Variants in ROBO2 observed in about 807,000 individuals in gnomAD.
ROBO2 encodes roundabout guidance receptor 2, also known as roundabout homolog 2.
Under a neutral mutation model 160.8 loss-of-function variants are expected in ROBO2, and 53 were observed. The observed-to-expected ratio is 0.33, with a 90% confidence interval of 0.26 to 0.41. ROBO2 has a LOEUF of 0.41. ROBO2 is among the 10% of genes least tolerant of loss of function. The pLI is 1.00. For missense variants in ROBO2, 1,577 were observed against 1,722.4 expected, an observed-to-expected ratio of 0.92 and a Z score of 1.49; for synonymous variants, 664 against 611.7, an observed-to-expected ratio of 1.09 and a Z score of -1.26.
chr3:76,004,691 C>A (rs1335592346), intron 2 of ROBO2, among the ~76,000 whole-genome samples: 1 of 152,118 alleles, frequency 6.6e-6, no homozygotes, highest in East Asian at 1.9e-4. Flanking sequence ...CTTCCAAAGG[C>A]TCCAACTCCA....
At chr3:77,336,321 GA>G (rs1346480458) in intron 2 of ROBO2, among the ~76,000 whole-genome samples, 1 of 152,068 alleles carries the variant, frequency 6.6e-6, no homozygotes, top group Non-Finnish European at 1.5e-5. Context: ...TTCAGCAAAA[GA>G]TTGTAACATT....
At chr3:77,483,666 C>A (rs1420657223) in intron 4 of ROBO2, among the ~76,000 whole-genome samples, 1 of 149,546 alleles carries the variant, frequency 6.7e-6, no homozygotes, top group East Asian at 2.0e-4. Context: ...ATATGTTTTA[C>A]AGAACAAGTT....
rs12632587 is a variant in ROBO2 at position 76,685,745 on chromosome 3, A to G, written c.110-412269A>G. ...AGGTTCATACACAGTTGGAACTTGT[A>G]ACTGGAGCCTGAATATTTTCTTTGC... On this transcript the variant is annotated intron_variant, in intron 2 of 26. Transcript: ENST00000487694. Among the ~76,000 whole-genome samples, 314 of 152,316 alleles carry G rather than the reference A, an allele frequency of 2.1e-3. 12 individuals are homozygous for G. The East Asian group carries it at 0.056, about 27-fold the overall frequency.
intron 2 of ROBO2, among the ~76,000 whole-genome samples, chr3:76,166,173 C>G (rs1489229560): frequency 1.3e-5 from 2 of 152,072 alleles, no homozygotes; most frequent in African/African-American, 2.4e-5. Context: ...GTGAAAAGCA[C>G]AATATCTGCA....
At chr3:77,553,869 G>A (rs1287988837) in intron 8 of ROBO2, among the ~76,000 whole-genome samples, 2 of 130,988 alleles carry the variant, frequency 1.5e-5, no homozygotes, top group African/African-American at 2.9e-5. Flanking sequence ...AAAGCATCAA[G>A]GGCTAATATG....
chr3:76,188,916 A>AAAAGTGAGGGTTATGAATG (rs1469058396), intron 2 of ROBO2, among the ~76,000 whole-genome samples: 2 of 152,116 alleles, frequency 1.3e-5, no homozygotes, highest in East Asian at 3.9e-4. Flanking sequence ...TAGCTCAGTA[A>AAAAGTGAGGGTTATGAATG]AAAGTGAGGG....
At chr3:76,966,978 C>T (rs775009219) in intron 2 of ROBO2, among the ~76,000 whole-genome samples, 7 of 152,146 alleles carry the variant, frequency 4.6e-5, no homozygotes, top group East Asian at 3.9e-4. Context: ...GCCAGCAATG[C>T]GGAAATGTTA....
intron 2 of ROBO2, among the ~76,000 whole-genome samples, chr3:77,393,523 A>C (rs12496304): frequency 0.16 from 20,634 of 132,902 alleles, 1,781 homozygotes; most frequent in East Asian, 0.38. Flanking sequence ...TTACTTATAT[A>C]TGTGAATGAA....
intron 2 of ROBO2, among the ~76,000 whole-genome samples, chr3:76,967,856 T>G (rs1400174664): frequency 6.6e-6 from 1 of 152,150 alleles, no homozygotes; most frequent in East Asian, 1.9e-4. Flanking sequence ...ATACACATTT[T>G]TTATGGTACT....
intron 2 of ROBO2, among the ~76,000 whole-genome samples, chr3:76,866,469 G>A (rs191251778): frequency 1.3e-5 from 2 of 151,660 alleles, no homozygotes. Flanking sequence ...TTAAAATATT[G>A]TTATTGACAA....
intron 2 of ROBO2, among the ~76,000 whole-genome samples, chr3:76,955,672 A>G (rs753035031): frequency 6.6e-6 from 1 of 152,174 alleles, no homozygotes; most frequent in Non-Finnish European, 1.5e-5. Context: ...AAATAGGACA[A>G]TTATTTTCTG....
intron 2 of ROBO2, among the ~76,000 whole-genome samples, chr3:76,789,916 T>C (rs1248071184): frequency 6.6e-6 from 1 of 151,680 alleles, no homozygotes; most frequent in Non-Finnish European, 1.5e-5. Flanking sequence ...TGGAAAGTAA[T>C]TTGTAGAGCA....
chr3:76,352,848 A>G (rs551612596), intron 2 of ROBO2, among the ~76,000 whole-genome samples: 1 of 152,150 alleles, frequency 6.6e-6, no homozygotes, highest in African/African-American at 2.4e-5. Context: ...ACAGATGGCT[A>G]TAACAAAATA....
chr3:76,068,064 G>T (rs548538029), intron 2 of ROBO2, among the ~76,000 whole-genome samples: 1 of 152,160 alleles, frequency 6.6e-6, no homozygotes, highest in African/African-American at 2.4e-5. Flanking sequence ...GAGGGTGGAC[G>T]GTTACAAGGT....
intron 2 of ROBO2, among the ~76,000 whole-genome samples, chr3:75,955,193 A>G (rs1948679839): frequency 6.6e-6 from 1 of 151,848 alleles, no homozygotes; most frequent in South Asian, 2.1e-4. Flanking sequence ...TTCAATATGT[A>G]TAATGAGAGA....
intron 2 of ROBO2, chr3:77,316,712 C>T: frequency 1.2e-6 from 1 of 842,058 alleles, no homozygotes. Context: ...GGTAGCTATG[C>T]TGCAAAATAG....
chr3:76,577,025 A>G (rs896803487), intron 2 of ROBO2, among the ~76,000 whole-genome samples: 4 of 152,030 alleles, frequency 2.6e-5, no homozygotes, highest in African/African-American at 9.7e-5. Flanking sequence ...CTTTGTATCT[A>G]TCTCAGGAAG....
At chr3:76,811,686 C>G (rs1236559293) in intron 2 of ROBO2, among the ~76,000 whole-genome samples, 4 of 152,116 alleles carry the variant, frequency 2.6e-5, no homozygotes, top group Non-Finnish European at 2.9e-5. Flanking sequence ...GATTGGGAGA[C>G]AGACTGCTGT....
chr3:76,967,852 A>AT lies in ROBO2; in HGVS notation c.110-130156dup, dbSNP rs200473757. ...GAGCCGTGCCTAGCCTAAAATACAC[A>AT]TTTTTTATGGTACTTTCTTCCCTCT... On this transcript the variant is annotated intron_variant, in intron 2 of 26. Coordinates refer to the ROBO2 transcript ENST00000487694. Among the ~76,000 whole-genome samples, 209 of 152,134 alleles carry AT rather than the reference A, an allele frequency of 1.4e-3. 5 individuals carry two copies. The East Asian group carries it at 0.031, about 23-fold the overall frequency.
Sources: allele counts gnomAD v4.1 joint callset (sites outside exome capture counted in the v4.1 genomes callset), GRCh38; gene constraint gnomAD v4.1.1; transcripts MANE v1.5; gene names NCBI Gene and HGNC (gene_info 2026-07-23, HGNC 2026-07-21).